GNAL: variants seen among roughly 807,000 people sequenced by gnomAD.
The protein encoded by GNAL is guanine nucleotide-binding protein G(olf) subunit alpha.
GNAL carries 18 observed loss-of-function variants against 55.1 expected under a neutral mutation model. The ratio of observed to expected loss-of-function variants is 0.33; its 90% CI spans 0.23 to 0.48. GNAL has a LOEUF of 0.48. Ranked by LOEUF, GNAL falls within the 20% of genes least tolerant of loss-of-function variation. The pLI is 0.99. For synonymous variants in GNAL, 253 were observed against 237.0 expected (o/e 1.07, Z -0.62); for missense variants, 412 against 614.1 (o/e 0.67, Z 3.48).
intron 1 of GNAL, among the ~76,000 whole-genome samples, chr18:11,714,931 C>CA (rs2031918902): frequency 6.6e-6 from 1 of 151,832 alleles, no homozygotes; most frequent in Admixed American, 6.6e-5. Context: ...CACTTGAACT[C>CA]AGAGTTCAAG....
intron 5 of GNAL, among the ~76,000 whole-genome samples, chr18:11,848,446 C>CT (rs1037403264): frequency 7.3e-5 from 11 of 150,104 alleles, no homozygotes; most frequent in East Asian, 1.9e-4. Context: ...CATACTTTTT[C>CT]TTTTTTTTTC....
At position 11,752,376 on chromosome 18, in the gene GNAL, T is replaced by G; in HGVS notation, c.377-477T>G. 6.4e-7 allele frequency: 1 copy of G among 1,557,352 alleles called. No homozygotes were observed. The highest frequency in any genetic ancestry group is 8.6e-7 in the Non-Finnish European group (1 of 1,156,178). ...CGCAGGAGCCGCACACGTCTCCAAC[T>G]CTCTATTGCTTTTTGCGCACATTCC... On this transcript the variant is annotated intron_variant, in intron 1 of 11. Coordinates refer to ENST00000334049, the MANE Select transcript of GNAL (RefSeq NM_182978.4). This position sits in a 1 kb window ranked among gnomAD's most constrained non-coding sequence, Gnocchi z 4.5.
chr18:11,788,897 G>GGAAAAAAAAA lies in GNAL; in HGVS notation c.624+34952_624+34953insGAAAAAAAAA, dbSNP rs1385387064. Among the ~76,000 whole-genome samples the GGAAAAAAAAA allele has an allele frequency of 6.8e-4, 56 of 82,512 alleles. 4 individuals are homozygous for GGAAAAAAAAA. The highest frequency in any genetic ancestry group is 4.1e-3 in the African/African-American group (55 of 13,328). The allele number at this position is 82,512 out of a possible 152,430, so 54.1% of individuals were successfully genotyped here. ...AGGAGACAGAGCAAGACTCCGTCTC[G>GGAAAAAAAAA]AAAAAAAAAAAAAAAAAATATATAT... On this transcript the variant is annotated intron_variant, in intron 4 of 11. Coordinates refer to ENST00000334049, the MANE Select transcript of GNAL (RefSeq NM_182978.4).
intron 5 of GNAL, among the ~76,000 whole-genome samples, chr18:11,836,978 G>C (rs1046148152): frequency 3.3e-5 from 5 of 152,116 alleles, no homozygotes; most frequent in African/African-American, 1.2e-4. Flanking sequence ...TCTTGAGATG[G>C]AGTCTCGCTC....
intron 1 of GNAL, among the ~76,000 whole-genome samples, chr18:11,738,433 C>G (rs991544115): frequency 6.6e-6 from 1 of 152,016 alleles, no homozygotes; most frequent in East Asian, 1.9e-4. Flanking sequence ...CTAGGATGGC[C>G]TGACCTCTGT....
intron 1 of GNAL, among the ~76,000 whole-genome samples, chr18:11,693,732 C>G (rs1226332022): frequency 2.8e-5 from 4 of 142,100 alleles, no homozygotes; most frequent in Non-Finnish European, 6.0e-5. Flanking sequence ...GCACTTGCTC[C>G]AGCAGTGTCT....
intron 1 of GNAL, among the ~76,000 whole-genome samples, chr18:11,742,508 C>G (rs1407632015): frequency 6.6e-6 from 1 of 152,244 alleles, no homozygotes; most frequent in Non-Finnish European, 1.5e-5. Flanking sequence ...CATTCTTGTT[C>G]GGCATCCGCT....
At chr18:11,712,234 C>G (rs550682192) in intron 1 of GNAL, among the ~76,000 whole-genome samples, 1 of 152,288 alleles carries the variant, frequency 6.6e-6, no homozygotes, top group East Asian at 1.9e-4. Flanking sequence ...CCTTGGGCAA[C>G]ACATAAAAAA....
chr18:11,773,677 G>A (rs956826531), intron 4 of GNAL, among the ~76,000 whole-genome samples: 5 of 152,132 alleles, frequency 3.3e-5, no homozygotes, highest in Non-Finnish European at 5.9e-5. Context: ...CCAGCTTTTC[G>A]GGAGGCCAAG....
At chr18:11,823,598 A>T (rs1328976065) in intron 4 of GNAL, among the ~76,000 whole-genome samples, 1 of 152,158 alleles carries the variant, frequency 6.6e-6, no homozygotes, top group Admixed American at 6.5e-5. Flanking sequence ...TAAACCCCTC[A>T]CAGTGCTTGG....
intron 1 of GNAL, among the ~76,000 whole-genome samples, chr18:11,717,172 C>T (rs908883330): frequency 2.4e-4 from 36 of 152,350 alleles, no homozygotes; most frequent in African/African-American, 7.0e-4. Flanking sequence ...TGTCTGGGGC[C>T]GGTGGGGCCA....
intron 5 of GNAL, among the ~76,000 whole-genome samples, chr18:11,861,886 A>ACG (rs2036149650): frequency 6.6e-6 from 1 of 151,676 alleles, no homozygotes; most frequent in African/African-American, 2.4e-5. Context: ...TCACCCTTAC[A>ACG]CTTTTACACA....
chr18:11,816,996 T>C (rs2034974530), intron 4 of GNAL, among the ~76,000 whole-genome samples: 1 of 151,064 alleles, frequency 6.6e-6, no homozygotes, highest in South Asian at 2.1e-4. Context: ...CCTGGGGTGG[T>C]GGCACGGCTT....
chr18:11,841,656 A>G (rs985879419), intron 5 of GNAL, among the ~76,000 whole-genome samples: 4 of 151,940 alleles, frequency 2.6e-5, no homozygotes, highest in African/African-American at 9.7e-5. Context: ...AAAAAAAAAA[A>G]AAAAAAGAAA....
chr18:11,860,865 A>G (rs781656520), intron 5 of GNAL, among the ~76,000 whole-genome samples: 2 of 152,112 alleles, frequency 1.3e-5, no homozygotes, highest in South Asian at 2.1e-4. Context: ...ACAGAGCGGG[A>G]GGTCAGCCAG....
chr18:11,863,764 A>G (rs1188389510), intron 6 of GNAL, among the ~76,000 whole-genome samples: 1 of 152,172 alleles, frequency 6.6e-6, no homozygotes, highest in Non-Finnish European at 1.5e-5. Context: ...GGAAACAGAA[A>G]TGTGCAGGGA....
intron 4 of GNAL, among the ~76,000 whole-genome samples, chr18:11,776,378 A>G (rs2033784262): frequency 6.6e-6 from 1 of 152,156 alleles, no homozygotes; most frequent in African/African-American, 2.4e-5. Flanking sequence ...AGAGCGTCAC[A>G]CTCTGTGGTG....
chr18:11,770,329 T>G (rs1253045678), intron 4 of GNAL, among the ~76,000 whole-genome samples: 2 of 152,170 alleles, frequency 1.3e-5, no homozygotes, highest in African/African-American at 4.8e-5. Flanking sequence ...TGATTATTCT[T>G]CAGAAACATC....
At position 11,882,047 on chromosome 18, in the gene GNAL, T is replaced by TA. The variant is rs1177808560; in HGVS notation, c.*913dup. 2 of 152,362 alleles carry TA rather than the reference T, an allele frequency of 1.3e-5. No individual in the cohort carries two copies. Among genetic ancestry groups the TA allele is most frequent in the African/African-American group, 4.8e-5 (2 of 41,470 alleles). The allele number at this position is 152,362 out of a possible 1,614,324, so 9.4% of individuals were successfully genotyped here. A position where few individuals can be genotyped will look rare whatever the true frequency, so the allele number is the denominator to read the frequency against. ...GGTAGCTGTAGAATTTAGGATATTTTATCAGGTTGGCACTTTATAAAATAC... is the reference window on the plus strand; with the variant it reads ...GGTAGCTGTAGAATTTAGGATATTTTAATCAGGTTGGCACTTTATAAAATAC... On this transcript the variant is annotated 3_prime_UTR_variant, in exon 12 of 12. Transcript: ENST00000334049.
Sources: allele counts gnomAD v4.1 joint callset (sites outside exome capture counted in the v4.1 genomes callset), GRCh38; gene constraint gnomAD v4.1.1; non-coding constraint Gnocchi (gnomAD v3.1); transcripts MANE v1.5; gene names NCBI Gene and HGNC (gene_info 2026-07-23, HGNC 2026-07-21).